IRAK3: variants seen among roughly 807,000 people sequenced by gnomAD.
IRAK3 encodes interleukin 1 receptor associated kinase 3, also known as interleukin-1 receptor-associated kinase 3.
In IRAK3, 57 loss-of-function variants were observed where a neutral mutation model predicts 56.6. The ratio of observed to expected loss-of-function variants is 1.01; its 90% CI spans 0.81 to 1.26. IRAK3 has a LOEUF of 1.26. Ranked by LOEUF, IRAK3 falls within the 50% of genes most tolerant of loss-of-function variation. The pLI, the probability that IRAK3 is intolerant of heterozygous loss-of-function variation, is 0.00. For missense variants in IRAK3, 703 were observed against 719.0 expected, an observed-to-expected ratio of 0.98 and a Z score of 0.25; for synonymous variants, 258 against 255.7, an observed-to-expected ratio of 1.01 and a Z score of -0.09.
At chr12:66,231,689 G>T (rs1421907968) in intron 8 of IRAK3, among the ~76,000 whole-genome samples, 1 of 152,204 alleles carries the variant, frequency 6.6e-6, no homozygotes, top group Non-Finnish European at 1.5e-5. Context: ...GCAATAATTT[G>T]TTCAAAGGAA....
chr12:66,226,684 T>A lies in IRAK3; in HGVS notation c.654-39T>A, dbSNP rs776310723. The A allele has an allele frequency of 2.5e-6, 3 of 1,178,876 alleles. No individual in the cohort carries two copies. The South Asian group carries it at 3.6e-5, about 14-fold the overall frequency. The allele number at this position is 1,178,876 out of a possible 1,614,324, so 73.0% of individuals were successfully genotyped here. On this transcript the variant is annotated intron_variant, in intron 6 of 11. Transcript: ENST00000261233. ...GTGTGTTGTTCATTTCCTGTCTGAA[T>A]AAGCAATTTGATGGCTTTAAAACAT...
rs909138636 is a variant in IRAK3 at position 66,211,595 on chromosome 12, C to T, written c.586C>T (p.Gln196Ter). The T allele has an allele frequency of 5.6e-6, 9 of 1,608,502 alleles. No homozygotes were observed. Among genetic ancestry groups the T allele is most frequent in the East Asian group, 2.2e-5 (1 of 44,790 alleles). ...NLTYAVKLFK[Q>*]EKKMQCKKHW... ...AACATATGCTGTCAAATTATTTAAA[C>T]AGGTATGGAAAGAATTACTGTCACA... The change falls in exon 5 of 12, where the codon CAG becomes TAG. Residue 196 changes from glutamine (Q) to a stop codon, truncating the protein, a stop_gained and splice_region_variant. Transcript: ENST00000261233. LOFTEE classifies it high-confidence loss of function.
chr12:66,192,800 T>C (rs1356300822), intron 1 of IRAK3, among the ~76,000 whole-genome samples: 1 of 152,112 alleles, frequency 6.6e-6, no homozygotes, highest in Non-Finnish European at 1.5e-5. Context: ...ATTTACTTAT[T>C]ACAACAATTC....
chr12:66,209,102 T>G (rs555958031), intron 2 of IRAK3, among the ~76,000 whole-genome samples: 6 of 151,858 alleles, frequency 4.0e-5, no homozygotes, highest in African/African-American at 1.4e-4. Flanking sequence ...GATAATTTTT[T>G]TTAAATTTTC....
chr12:66,227,015 C>G (rs2052793873), intron 7 of IRAK3, among the ~76,000 whole-genome samples, 178 bp downstream of exon 7: 1 of 152,118 alleles, frequency 6.6e-6, no homozygotes, highest in Admixed American at 6.5e-5. Flanking sequence ...GAAGGCTGAG[C>G]AAATACCTGA....
At chr12:66,190,497 G>A (rs1209020162) in intron 1 of IRAK3, among the ~76,000 whole-genome samples, 1 of 152,154 alleles carries the variant, frequency 6.6e-6, no homozygotes, top group Non-Finnish European at 1.5e-5. Flanking sequence ...GGATTTTGGC[G>A]TGGACAGTAT....
In IRAK3 at chr12:66,245,246, G is replaced by A; in HGVS notation, c.1298G>A (p.Arg433Lys). 6.2e-7 allele frequency: 1 copy of A among 1,614,110 alleles called. No individual in the cohort carries two copies. Among genetic ancestry groups the A allele is most frequent in the Non-Finnish European group, 8.5e-7 (1 of 1,180,038 alleles). Residue 433 changes from arginine (R) to lysine (K), a missense_variant, in exon 11 of 12, where the codon AGA (arginine) becomes AAA (lysine). Transcript: ENST00000261233. The part of the protein sequence containing the change: ...GRCAATRAKL[R>K]PSMDEVLNTL... ...TGTGCTGCAACGCGGGCAAAGTTAA[G>A]ACCATCAATGGATGAAGTGAGTATA...
intron 8 of IRAK3, chr12:66,234,917 C>A: frequency 6.2e-7 from 1 of 1,614,200 alleles, no homozygotes; most frequent in Non-Finnish European, 8.5e-7. Flanking sequence ...TTGAACCCCA[C>A]TGGCCTTCAG....
At chr12:66,206,020 A>G (rs1361651884) in intron 2 of IRAK3, among the ~76,000 whole-genome samples, 8 of 152,304 alleles carry the variant, frequency 5.3e-5, no homozygotes, top group African/African-American at 9.6e-5. Flanking sequence ...TTATAATTCA[A>G]TGTTCAGCAA....
At chr12:66,214,036 A>T (rs1329645179) in intron 5 of IRAK3, among the ~76,000 whole-genome samples, 1 of 152,212 alleles carries the variant, frequency 6.6e-6, no homozygotes, top group Non-Finnish European at 1.5e-5. Flanking sequence ...CTTCCTCATG[A>T]ATAGCATTTC....
intron 5 of IRAK3, among the ~76,000 whole-genome samples, chr12:66,215,335 G>C (rs994835269): frequency 6.6e-5 from 10 of 152,116 alleles, no homozygotes; most frequent in Admixed American, 1.3e-4. Flanking sequence ...AGTCTGAATG[G>C]TATTGATTGC....
At position 66,213,813 on chromosome 12, in the gene IRAK3, C is replaced by T. The variant is rs185812644; in HGVS notation, c.588+2216C>T. Among the ~76,000 whole-genome samples, 329 of 151,908 alleles carry T rather than the reference C, an allele frequency of 2.2e-3. 3 individuals carry two copies. The highest frequency in any genetic ancestry group is 7.7e-3 in the African/African-American group (320 of 41,468). On this transcript the variant is annotated intron_variant, in intron 5 of 11. Coordinates refer to ENST00000261233, the MANE Select transcript of IRAK3 (RefSeq NM_007199.3). Reference sequence around the variant, plus strand: ...AAAAAAAAAAAGATAGCGACTCTCTCCTCCCAGAGGAGGGCTGTGTCTGGC... The same window carrying T: ...AAAAAAAAAAAGATAGCGACTCTCTTCTCCCAGAGGAGGGCTGTGTCTGGC...
chr12:66,231,912 T>C (rs1047303347), intron 8 of IRAK3, among the ~76,000 whole-genome samples: 6 of 152,140 alleles, frequency 3.9e-5, no homozygotes, highest in Non-Finnish European at 8.8e-5. Flanking sequence ...TTGTCTAGGA[T>C]ATAGGTGGAA....
intron 5 of IRAK3, among the ~76,000 whole-genome samples, chr12:66,214,367 A>T (rs1436419336): frequency 6.6e-6 from 1 of 151,630 alleles, no homozygotes; most frequent in African/African-American, 2.4e-5. Flanking sequence ...CTACCAAGAA[A>T]TACAAAAAAA....
chr12:66,204,651 T>C (rs2052539801), intron 2 of IRAK3, among the ~76,000 whole-genome samples: 1 of 152,200 alleles, frequency 6.6e-6, no homozygotes. Context: ...GACCCAAGGC[T>C]CTTAGATTGG....
At chr12:66,226,985 G>A (rs566403844) in intron 7 of IRAK3, 148 bp downstream of exon 7, 12 of 676,868 alleles carry the variant, frequency 1.8e-5, no homozygotes, top group South Asian at 1.4e-4. Context: ...AGTACTTCTT[G>A]GATTAATTTC....
chr12:66,211,241 G>A (rs193113021), intron 4 of IRAK3, among the ~76,000 whole-genome samples: 38 of 152,260 alleles, frequency 2.5e-4, no homozygotes, highest in Middle Eastern at 3.4e-3. Context: ...GCTGCTGTCC[G>A]AAGAAACCCT....
rs182515238 is a variant in IRAK3, at chr12:66,201,431, C to A, written c.134-2280C>A. ...TCCAGGATCCTAAATTTTTTAGTTTCTCTGGAAGGTAAAGTTATGAAAGGA... is the reference window on the plus strand; with the variant it reads ...TCCAGGATCCTAAATTTTTTAGTTTATCTGGAAGGTAAAGTTATGAAAGGA... On this transcript the variant is annotated intron_variant, in intron 1 of 11. Transcript: ENST00000261233. 2.7e-3 allele frequency among the ~76,000 whole-genome samples: 406 copies of A among 152,236 alleles called. 1 individual carries two copies. The highest frequency in any genetic ancestry group is 0.01 in the Middle Eastern group (3 of 294).
rs2053131950 is a variant in IRAK3 at position 66,254,270 on chromosome 12, G to C, written c.*6099G>C. The C allele has an allele frequency of 1.3e-5, 2 of 152,086 alleles. No homozygotes were observed. Among genetic ancestry groups the C allele is most frequent in the Admixed American group, 1.3e-4 (2 of 15,268 alleles). 9.4% of individuals were successfully genotyped at this position (152,086 alleles called of 1,614,324 possible). A position where few individuals can be genotyped will look rare whatever the true frequency, so the allele number is the denominator to read the frequency against. The stretch of plus-strand genomic sequence containing the variant: ...TGATGTTTATGATATTAAAACATTG[G>C]AAACAACTGAAACATCCTTCAGTAA... On this transcript the variant is annotated 3_prime_UTR_variant, in exon 12 of 12. Coordinates refer to ENST00000261233, the MANE Select transcript of IRAK3 (RefSeq NM_007199.3).
Sources: allele counts gnomAD v4.1 joint callset (sites outside exome capture counted in the v4.1 genomes callset), GRCh38; gene constraint gnomAD v4.1.1; transcripts MANE v1.5; gene names NCBI Gene and HGNC (gene_info 2026-07-23, HGNC 2026-07-21).